Variants in DACH1 observed in about 807,000 individuals in gnomAD.
DACH1 encodes the protein dachshund family transcription factor 1, also known as dachshund homolog 1.
Under a neutral mutation model 54.2 loss-of-function variants are expected in DACH1, and 12 were observed. The observed-to-expected ratio is 0.22, with a 90% CI of 0.14 to 0.36. DACH1 has a LOEUF of 0.36. DACH1 is among the 10% of genes least tolerant of loss of function. DACH1 has a pLI of 1.00. For synonymous variants in DACH1, 386 were observed against 366.2 expected (o/e 1.05, Z -0.62); for missense variants, 805 against 929.8 (o/e 0.87, Z 1.75).
At chr13:71,789,919 G>GT (rs1174177102) in intron 1 of DACH1, among the ~76,000 whole-genome samples, 18 of 152,070 alleles carry the variant, frequency 1.2e-4, no homozygotes, top group African/African-American at 4.3e-4. Flanking sequence ...TTCAATGTCA[G>GT]TGCCGGCATA....
chr13:71,655,474 G>A (rs373568300), intron 2 of DACH1, among the ~76,000 whole-genome samples: 80 of 151,084 alleles, frequency 5.3e-4, no homozygotes, highest in African/African-American at 1.7e-3. Context: ...AGGTTCAAGC[G>A]ATTCTCCTGC....
At chr13:71,543,838 T>G (rs1883296475) in intron 6 of DACH1, among the ~76,000 whole-genome samples, 1 of 152,138 alleles carries the variant, frequency 6.6e-6, no homozygotes, top group South Asian at 2.1e-4. Context: ...CACTTGATCC[T>G]TAGCCGTAGA....
chr13:71,608,471 T>G (rs1875055664), intron 3 of DACH1, among the ~76,000 whole-genome samples: 1 of 152,062 alleles, frequency 6.6e-6, no homozygotes, highest in African/African-American at 2.4e-5. Context: ...AATAGTCTGG[T>G]GAAGGTTTCA....
chr13:71,719,239 T>G (rs1883121820), intron 1 of DACH1, among the ~76,000 whole-genome samples: 1 of 152,236 alleles, frequency 6.6e-6, no homozygotes, highest in Non-Finnish European at 1.5e-5. Context: ...GTGCTATTTC[T>G]TAAGTACAAA....
intron 1 of DACH1, among the ~76,000 whole-genome samples, chr13:71,786,606 G>A (rs991229334): frequency 6.6e-6 from 1 of 151,958 alleles, no homozygotes; most frequent in Non-Finnish European, 1.5e-5. Flanking sequence ...TCCAGAAATA[G>A]CCCTTTGAAT....
intron 3 of DACH1, among the ~76,000 whole-genome samples, chr13:71,625,459 G>T (rs528541543): frequency 2.6e-5 from 4 of 152,004 alleles, no homozygotes; most frequent in African/African-American, 9.7e-5. Context: ...TGCAGGAATG[G>T]TTAAAATTAA....
At chr13:71,513,758 G>C (rs1880957256) in intron 6 of DACH1, among the ~76,000 whole-genome samples, 1 of 151,886 alleles carries the variant, frequency 6.6e-6, no homozygotes, top group Non-Finnish European at 1.5e-5. Flanking sequence ...TTATTCTTTT[G>C]TGAACATGCT....
At chr13:71,734,135 C>T (rs561288489) in intron 1 of DACH1, among the ~76,000 whole-genome samples, 23 of 148,234 alleles carry the variant, frequency 1.6e-4, no homozygotes, top group African/African-American at 5.3e-4. Flanking sequence ...ACATATATAC[C>T]CCATATATAT....
At chr13:71,473,122 T>C (rs1056486047) in intron 10 of DACH1, among the ~76,000 whole-genome samples, 1 of 152,226 alleles carries the variant, frequency 6.6e-6, no homozygotes, top group Admixed American at 6.5e-5. Context: ...GGAAAAGTCA[T>C]ATTATCTGAT....
At chr13:71,477,536 G>A (rs544602826) in intron 8 of DACH1, among the ~76,000 whole-genome samples, 13 of 152,132 alleles carry the variant, frequency 8.5e-5, no homozygotes, top group Admixed American at 3.9e-4. Context: ...GGTGTTATAC[G>A]AAAAGAAATT....
chr13:71,632,517 G>A (rs1358800591), intron 2 of DACH1, among the ~76,000 whole-genome samples: 1 of 151,166 alleles, frequency 6.6e-6, no homozygotes, highest in African/African-American at 2.4e-5. Context: ...AATCCCAGCT[G>A]GTGGATTAGA....
chr13:71,847,560 C>G (rs897290357), intron 1 of DACH1, among the ~76,000 whole-genome samples: 1 of 152,130 alleles, frequency 6.6e-6, no homozygotes, highest in Non-Finnish European at 1.5e-5. Context: ...CTTCTATCAG[C>G]AAGTAGCTAT....
At chr13:71,628,624 GA>G (rs368391422) in intron 3 of DACH1, among the ~76,000 whole-genome samples, 7 of 151,860 alleles carry the variant, frequency 4.6e-5, no homozygotes, top group African/African-American at 1.7e-4. Flanking sequence ...ATACCTTAAT[GA>G]AAAAAAGTCA....
Position 71,439,754 on chromosome 13 carries a change from T to A in DACH1, c.*901A>T, listed in dbSNP as rs924753771. 1.3e-5 allele frequency: 2 copies of A among 152,472 alleles called. No homozygotes were observed. The highest frequency in any genetic ancestry group is 6.8e-3 in the Middle Eastern group (2 of 294). 9.4% of individuals were successfully genotyped at this position (152,472 alleles called of 1,614,324 possible). On this transcript the variant is annotated 3_prime_UTR_variant, in exon 11 of 11. Transcript: ENST00000613252. ...AAAGACATCTTTCTGACCAACAGGGTGACAAAACATATTTTCTAAAATTTT... is the reference window on the plus strand; with the variant it reads ...AAAGACATCTTTCTGACCAACAGGGAGACAAAACATATTTTCTAAAATTTT...
chr13:71,579,002 T>C (rs537507874), intron 3 of DACH1, among the ~76,000 whole-genome samples: 1 of 152,266 alleles, frequency 6.6e-6, no homozygotes, highest in South Asian at 2.1e-4. Context: ...GGAAAATATG[T>C]TACTTTCCCA....
intron 1 of DACH1, among the ~76,000 whole-genome samples, chr13:71,772,948 A>G (rs544528830): frequency 1.3e-4 from 20 of 151,968 alleles, no homozygotes; most frequent in African/African-American, 2.2e-4. Flanking sequence ...CGATATAACT[A>G]TAATAACAAA....
At chr13:71,808,059 G>A (rs1024793809) in intron 1 of DACH1, among the ~76,000 whole-genome samples, 1 of 152,030 alleles carries the variant, frequency 6.6e-6, no homozygotes, top group African/African-American at 2.4e-5. Context: ...TTTGTGATCT[G>A]ACCATTACTC....
At chr13:71,443,169 T>A (rs1566261781) in intron 10 of DACH1, among the ~76,000 whole-genome samples, 1 of 151,344 alleles carries the variant, frequency 6.6e-6, no homozygotes, top group Admixed American at 6.6e-5. Context: ...GAGGCAGGGA[T>A]GTCCATGAGA....
At chr13:71,597,044 T>C (rs1215521077) in intron 3 of DACH1, among the ~76,000 whole-genome samples, 1 of 152,190 alleles carries the variant, frequency 6.6e-6, no homozygotes, top group Non-Finnish European at 1.5e-5. Context: ...AAAACTGGTA[T>C]TTGAAGTGAT....
Sources: gnomAD v4.1 joint callset for allele counts (sites outside exome capture counted in the v4.1 genomes callset) on GRCh38, gnomAD v4.1.1 for gene constraint, MANE v1.5 for transcripts, NCBI Gene and HGNC (gene_info 2026-07-23, HGNC 2026-07-21) for gene names.